Variants in ABCF1 observed in about 807,000 individuals in gnomAD.
ABCF1 encodes the protein ATP binding cassette subfamily F member 1.
ABCF1 carries 73 observed loss-of-function variants against 126.3 expected under a neutral mutation model. The ratio of observed to expected loss-of-function variants is 0.58; its 90% CI spans 0.48 to 0.70. The LOEUF is 0.70. Among genes scored for constraint, ABCF1 ranks in the 30% least tolerant of loss-of-function variants. ABCF1 has a pLI of 0.00. For missense variants in ABCF1, 786 were observed against 1,057.5 expected, an observed-to-expected ratio of 0.74 and a Z score of 3.56; for synonymous variants, 345 against 396.4, an observed-to-expected ratio of 0.87 and a Z score of 1.54.
At chr6:30,580,546 G>A (rs1173110657) in intron 8 of ABCF1, 27 bp downstream of exon 8, 10 of 1,385,798 alleles carry the variant, frequency 7.2e-6, no homozygotes, top group African/African-American at 1.5e-5. Context: ...GGGGCAAGGT[G>A]GAATGAGGGA....
chr6:30,580,371 A>C, intron 7 of ABCF1, 35 bp from the exon 8 acceptor site: 2 of 1,391,650 alleles, frequency 1.4e-6, no homozygotes, highest in East Asian at 2.7e-5. Flanking sequence ...AAAAAAAAAA[A>C]AAACATTTCA....
chr6:30,586,733 G>A lies in ABCF1; in HGVS notation c.2031+22G>A. On this transcript the variant is annotated intron_variant, in intron 20 of 24. Coordinates refer to ENST00000326195, the MANE Select transcript of ABCF1 (RefSeq NM_001025091.2). This position sits in a 1 kb window ranked among gnomAD's most constrained non-coding sequence, Gnocchi z 4.9. ...ACCGGTGAGTCCTGGAGCCAAGGAG[G>A]GAGAGCATGAGAAATGTGAAGACAC... The A allele has an allele frequency of 6.2e-7, 1 of 1,613,088 alleles. No homozygotes were observed. The highest frequency in any genetic ancestry group is 8.5e-7 in the Non-Finnish European group (1 of 1,179,448).
Position 30,586,112 on chromosome 6 carries a change from C to CT in ABCF1, c.1714-16dup. On this transcript the variant is annotated intron_variant, in intron 17 of 24. Coordinates refer to ENST00000326195, the MANE Select transcript of ABCF1 (RefSeq NM_001025091.2). This position sits in a 1 kb window ranked among gnomAD's most constrained non-coding sequence, Gnocchi z 4.9. ...ACTGCCGCGCAGGGCTCAGGTTTCT[C>CT]TTTTTTCCTCTTCCTCTCCAGGAAA... is the stretch of plus-strand genomic sequence containing the variant. 6.2e-7 allele frequency: 1 copy of CT among 1,607,640 alleles called. No homozygotes were observed. Among genetic ancestry groups the CT allele is most frequent in the Non-Finnish European group, 8.5e-7 (1 of 1,177,766 alleles).
Position 30,571,498 on chromosome 6 carries a change from C to T in ABCF1, c.11C>T (p.Ala4Val). MPK[A>V]PKQQPPEPEW... ...GTAACTGCCACCGCGATGCCGAAGG[C>T]GCCCAAGCAGCAGCCGCCGGAGCCC... is the stretch of plus-strand genomic sequence containing the variant. The change falls in exon 1 of 25, where the codon GCG becomes GTG. Residue 4 changes from alanine (A) to valine (V), a missense_variant. Ala to Val is a moderately conservative substitution (Grantham distance 64, BLOSUM62 0). Coordinates refer to ENST00000326195, the MANE Select transcript of ABCF1 (RefSeq NM_001025091.2). 1 of 1,610,760 alleles carries T rather than the reference C, an allele frequency of 6.2e-7. No individual in the cohort carries two copies. Among genetic ancestry groups the T allele is most frequent in the South Asian group, 1.1e-5 (1 of 90,736 alleles).
At position 30,590,146 on chromosome 6, in the gene ABCF1, C is replaced by T. The variant is rs1229571869; in HGVS notation, c.2234-3C>T. The T allele has an allele frequency of 4.3e-6, 7 of 1,612,962 alleles. No individual in the cohort carries two copies. Among genetic ancestry groups the T allele is most frequent in the African/African-American group, 2.7e-5 (2 of 74,920 alleles). ...TGACAGCCCTCCCCTTCCTTTGCTACAGGTGGTCAGAAGGCGCGAGTTGTG... is the reference window on the plus strand; with the variant it reads ...TGACAGCCCTCCCCTTCCTTTGCTATAGGTGGTCAGAAGGCGCGAGTTGTG... On this transcript the variant is annotated splice_polypyrimidine_tract_variant and splice_region_variant and intron_variant, in intron 22 of 24. Transcript: ENST00000326195.
intron 1 of ABCF1, among the ~76,000 whole-genome samples, chr6:30,576,567 G>A (rs1801513796): frequency 6.6e-6 from 1 of 151,890 alleles, no homozygotes; most frequent in African/African-American, 2.4e-5. Context: ...GGGATTACAG[G>A]CATGAGCCAC....
chr6:30,584,483 TG>T lies in ABCF1; in HGVS notation c.1310del (p.Gly437AlafsTer37), dbSNP rs886624339. 2.5e-6 allele frequency: 4 copies of T among 1,612,952 alleles called. No individual in the cohort carries two copies. Among genetic ancestry groups the T allele is most frequent in the Admixed American group, 3.3e-5 (2 of 59,990 alleles). ...AEAKARRILAGLGFDPEMQNR... is the reference protein window; with the variant it reads ...AEAKARRILAXLGFDPEMQNR... ...AGGCCAAAGCACGGCGGATCCTGGC[TG>T]GCCTGGGCTTTGACCCTGAAATGCA... On this transcript the variant is annotated frameshift_variant, in exon 14 of 25. Coordinates refer to ENST00000326195, the MANE Select transcript of ABCF1 (RefSeq NM_001025091.2). LOFTEE classifies it high-confidence loss of function. The surrounding 1 kb of genome is among the most constrained non-coding windows in gnomAD (Gnocchi z 4.6).
At chr6:30,575,150 A>G (rs1205370769) in intron 1 of ABCF1, among the ~76,000 whole-genome samples, 48 of 148,946 alleles carry the variant, frequency 3.2e-4, no homozygotes, top group African/African-American at 1.1e-3. Flanking sequence ...GCTCACTGCA[A>G]CCTCCACCTC....
Position 30,580,416 on chromosome 6 carries a change from A to G in ABCF1, c.575A>G (p.Lys192Arg), listed in dbSNP as rs773318274. 2 of 1,539,850 alleles carry G rather than the reference A, an allele frequency of 1.3e-6. No individual in the cohort carries two copies. Among genetic ancestry groups the G allele is most frequent in the Non-Finnish European group, 1.7e-6 (2 of 1,154,962 alleles). ...KSKGKAKPQN[K>R]FAALDNEEED... ...TCTTTTCCCTATTAGCCTCAAAATA[A>G]ATTCGCTGCTCTGGACAATGAAGAG... The change falls in exon 8 of 25, where the codon AAA (lysine) becomes AGA (arginine). Residue 192 changes from lysine (K) to arginine (R), a missense_variant. Around this residue, in one of 4 missense-constraint regions of ABCF1, gnomAD observed 322 missense variants for 322.9 expected, o/e 1.00. Transcript: ENST00000326195.
In ABCF1 at chr6:30,583,978, A is replaced by G; in HGVS notation, c.1102+88A>G. The G allele has an allele frequency of 6.6e-6, 10 of 1,510,590 alleles. No individual in the cohort carries two copies. Among genetic ancestry groups the G allele is most frequent in the Admixed American group, 3.7e-5 (2 of 54,724 alleles). 93.6% of individuals were successfully genotyped at this position (1,510,590 alleles called of 1,614,324 possible). ...GCCAAGAATAGAAGAAATTGTGGCT[A>G]TGGAGTTGGAAGGGATGTGGAGGGA... On this transcript the variant is annotated intron_variant, in intron 12 of 24. Coordinates refer to ENST00000326195, the MANE Select transcript of ABCF1 (RefSeq NM_001025091.2). The surrounding 1 kb of genome is among the most constrained non-coding windows in gnomAD (Gnocchi z 4.1).
At position 30,586,570 on chromosome 6, in the gene ABCF1, A is replaced by G. The variant is rs1362539594; in HGVS notation, c.1960+22A>G. 16 of 1,613,146 alleles carry G rather than the reference A, an allele frequency of 9.9e-6. No homozygotes were observed. The highest frequency in any genetic ancestry group is 1.4e-5 in the Non-Finnish European group (16 of 1,179,970). ...AGGAGTGAGTTGGCGGGGTTGCCTC[A>G]GGGATGTGTAGCAGGAGCCACAGGG... is the stretch of plus-strand genomic sequence containing the variant. On this transcript the variant is annotated intron_variant, in intron 19 of 24. Coordinates refer to ENST00000326195, the MANE Select transcript of ABCF1 (RefSeq NM_001025091.2). The surrounding 1 kb of genome is among the most constrained non-coding windows in gnomAD (Gnocchi z 4.9).
At chr6:30,588,144 G>A (rs1022824516) in intron 20 of ABCF1, among the ~76,000 whole-genome samples, 6 of 152,058 alleles carry the variant, frequency 3.9e-5, no homozygotes, top group African/African-American at 7.2e-5. Flanking sequence ...CTTGTGATCC[G>A]CCCGCCTCAG....
chr6:30,579,966 C>T lies in ABCF1; in HGVS notation c.525C>T (p.Gly175=). ...VSEEQQPALK[G]KKGKEEKSKG... Reference sequence around the variant, plus strand: ...AGGAACAGCAGCCTGCACTCAAGGGCAAAAAGGGAAAGGAAGAGAAGTCAA... The same window carrying T: ...AGGAACAGCAGCCTGCACTCAAGGGTAAAAAGGGAAAGGAAGAGAAGTCAA... Residue 175 remains glycine (G), a synonymous_variant, in exon 7 of 25, where the codon GGC becomes GGT. Transcript: ENST00000326195. 2 of 1,611,920 alleles carry T rather than the reference C, an allele frequency of 1.2e-6. No individual in the cohort carries two copies. Among genetic ancestry groups the T allele is most frequent in the Non-Finnish European group, 1.7e-6 (2 of 1,179,614 alleles).
At chr6:30,573,098 T>C (rs1801335104) in intron 1 of ABCF1, among the ~76,000 whole-genome samples, 1 of 152,208 alleles carries the variant, frequency 6.6e-6, no homozygotes, top group African/African-American at 2.4e-5. Context: ...GGCCTTGAAC[T>C]GGTCAAGATG....
chr6:30,580,072 C>T (rs984557062), intron 7 of ABCF1, 67 bp downstream of exon 7: 15 of 1,524,756 alleles, frequency 9.8e-6, no homozygotes, highest in African/African-American at 8.3e-5. Flanking sequence ...CAGGGCTGGG[C>T]GCGGTGGCTC....
chr6:30,578,035 G>A, intron 3 of ABCF1, 41 bp from the exon 4 acceptor site: 2 of 1,613,954 alleles, frequency 1.2e-6, no homozygotes, highest in Non-Finnish European at 8.5e-7. Flanking sequence ...TACAGCAGGG[G>A]CCTGGGCTTC....
rs2127402936 is a variant in ABCF1, at chr6:30,574,260, T to C, written c.73+2700T>C. 6.6e-6 allele frequency among the ~76,000 whole-genome samples: 1 copy of C among 152,218 alleles called. No homozygotes were observed. The highest frequency in any genetic ancestry group is 1.5e-5 in the Non-Finnish European group (1 of 68,000). ...AGCCATCTTCCCTTGTAGCTGGGAC[T>C]ACAGGCACACACCGCCATGCCTGGC... On this transcript the variant is annotated intron_variant, in intron 1 of 24. Transcript: ENST00000326195. This position sits in a 1 kb window ranked among gnomAD's most constrained non-coding sequence, Gnocchi z 4.3.
At position 30,586,057 on chromosome 6, in the gene ABCF1, G is replaced by A; in HGVS notation, c.1713+66G>A. 1.9e-6 allele frequency: 3 copies of A among 1,591,916 alleles called. No individual in the cohort carries two copies. The South Asian group carries it at 3.4e-5, about 18-fold the overall frequency. ...TCTCCTGGCAGTGGAGGAAGAAGGAGACTCTGGAACGCTGGCCTACATTTC... is the reference window on the plus strand; with the variant it reads ...TCTCCTGGCAGTGGAGGAAGAAGGAAACTCTGGAACGCTGGCCTACATTTC... On this transcript the variant is annotated intron_variant, in intron 17 of 24. Transcript: ENST00000326195. The surrounding 1 kb of genome is among the most constrained non-coding windows in gnomAD (Gnocchi z 4.9).
chr6:30,581,927 G>A (rs1801835304), intron 8 of ABCF1, among the ~76,000 whole-genome samples: 1 of 152,184 alleles, frequency 6.6e-6, no homozygotes, highest in Non-Finnish European at 1.5e-5. Context: ...GGGAGACCAG[G>A]GGCTGGGTAT....
Sources: allele counts gnomAD v4.1 joint callset (sites outside exome capture counted in the v4.1 genomes callset), GRCh38; gene constraint gnomAD v4.1.1; regional missense constraint gnomAD v4.1.1; non-coding constraint Gnocchi (gnomAD v3.1); transcripts MANE v1.5; gene names NCBI Gene and HGNC (gene_info 2026-07-23, HGNC 2026-07-21).